Variants in PTPRD observed in about 807,000 individuals in gnomAD.
PTPRD encodes the protein receptor-type tyrosine-protein phosphatase delta.
Under a neutral mutation model 214.5 loss-of-function variants are expected in PTPRD, and 34 were observed. The observed-to-expected ratio is 0.16, with a 90% CI of 0.12 to 0.21. PTPRD has a LOEUF of 0.21. Among genes scored for constraint, PTPRD ranks in the 10% least tolerant of loss-of-function variants. The pLI is 1.00. For missense variants in PTPRD, 2,545 were observed against 2,398.7 expected, an observed-to-expected ratio of 1.06 and a Z score of -1.27; for synonymous variants, 1,128 against 845.7, an observed-to-expected ratio of 1.33 and a Z score of -5.79.
intron 10 of PTPRD, among the ~76,000 whole-genome samples, chr9:9,130,716 G>T (rs192651048): frequency 6.6e-6 from 1 of 152,152 alleles, no homozygotes; most frequent in Admixed American, 6.5e-5. Context: ...TGATTACCTG[G>T]GTGTTGCGTA....
chr9:9,327,619 G>C (rs1053689503), intron 9 of PTPRD, among the ~76,000 whole-genome samples: 1 of 152,106 alleles, frequency 6.6e-6, no homozygotes, highest in African/African-American at 2.4e-5. Flanking sequence ...TCTATTGCAA[G>C]AGGTTTATTC....
chr9:9,705,330 A>C (rs1465366576), intron 7 of PTPRD, among the ~76,000 whole-genome samples: 4 of 152,342 alleles, frequency 2.6e-5, no homozygotes, highest in African/African-American at 9.6e-5. Context: ...TATCTTAATT[A>C]GATGGAGAAT....
chr9:9,687,250 T>A (rs2097181943), intron 7 of PTPRD, among the ~76,000 whole-genome samples: 2 of 151,842 alleles, frequency 1.3e-5, no homozygotes, highest in Non-Finnish European at 2.9e-5. Context: ...CTACCCAATG[T>A]TAGAAAAATA....
intron 10 of PTPRD, among the ~76,000 whole-genome samples, chr9:9,067,313 A>G (rs10977469): frequency 0.58 from 87,792 of 152,132 alleles, 26,410 homozygotes; most frequent in East Asian, 0.86. Context: ...TGTTTATTAC[A>G]GAAGTTAATA....
intron 5 of PTPRD, among the ~76,000 whole-genome samples, chr9:9,901,851 G>A (rs756523495): frequency 6.6e-6 from 1 of 152,136 alleles, no homozygotes; most frequent in African/African-American, 2.4e-5. Context: ...GAGCCAGAGA[G>A]CAAGAGCAGG....
chr9:10,127,982 T>C (rs1167797785), intron 3 of PTPRD, among the ~76,000 whole-genome samples: 2 of 152,178 alleles, frequency 1.3e-5, no homozygotes, highest in Admixed American at 6.6e-5. Flanking sequence ...TTTTATATTA[T>C]GCTTCTGTTT....
chr9:9,762,424 A>C (rs1028067957), intron 6 of PTPRD, among the ~76,000 whole-genome samples: 1 of 152,126 alleles, frequency 6.6e-6, no homozygotes, highest in African/African-American at 2.4e-5. Context: ...AAATTTTCCA[A>C]ATCTTTAGGT....
chr9:8,634,555 C>G (rs908205357), intron 13 of PTPRD, among the ~76,000 whole-genome samples: 1 of 151,974 alleles, frequency 6.6e-6, no homozygotes, highest in Non-Finnish European at 1.5e-5. Context: ...TCAAAATTCA[C>G]AAAAATATTC....
chr9:8,589,448 A>G (rs1310545258), intron 14 of PTPRD, among the ~76,000 whole-genome samples: 3 of 152,222 alleles, frequency 2.0e-5, no homozygotes, highest in East Asian at 1.9e-4. Context: ...TTCTTTATAA[A>G]TGTATTCTCA....
At chr9:10,488,662 C>G (rs1430110261) in intron 2 of PTPRD, among the ~76,000 whole-genome samples, 1 of 152,128 alleles carries the variant, frequency 6.6e-6, no homozygotes, top group Non-Finnish European at 1.5e-5. Flanking sequence ...ATCTGGCACT[C>G]AAACCATGAG....
chr9:10,407,756 C>A (rs1451731098), intron 2 of PTPRD, among the ~76,000 whole-genome samples: 1 of 151,486 alleles, frequency 6.6e-6, no homozygotes. Flanking sequence ...AAAATGGTAA[C>A]CTGCTAGATT....
intron 8 of PTPRD, among the ~76,000 whole-genome samples, chr9:9,407,716 C>T (rs2073998521): frequency 6.6e-6 from 1 of 151,764 alleles, no homozygotes; most frequent in Admixed American, 6.6e-5. Context: ...AATTTGGAAT[C>T]AGAGTATCTC....
intron 2 of PTPRD, among the ~76,000 whole-genome samples, chr9:10,482,284 T>C (rs943475859): frequency 6.6e-6 from 1 of 151,894 alleles, no homozygotes. Flanking sequence ...GGCAGGAGAA[T>C]GGCATGAACC....
In PTPRD at chr9:9,415,615, C is replaced by T. The variant is rs565857637; in HGVS notation, c.-236-18133G>A. On this transcript the variant is annotated intron_variant, in intron 8 of 45. Transcript: ENST00000381196. ...AGCAACTGAATATAAATTCAACAGA[C>T]ACTGATTTAATACCTAACCTGTACA... Among the ~76,000 whole-genome samples, 4 of 152,258 alleles carry T rather than the reference C, an allele frequency of 2.6e-5. No homozygotes were observed. The South Asian group carries it at 8.3e-4, about 32-fold the overall frequency.
intron 3 of PTPRD, among the ~76,000 whole-genome samples, chr9:10,091,299 A>G (rs2098426743): frequency 6.6e-6 from 1 of 151,464 alleles, no homozygotes; most frequent in African/African-American, 2.4e-5. Flanking sequence ...CAATAGTAAA[A>G]GGAGAATTAT....
At chr9:8,414,928 GGGGAGA>G (rs765123444) in intron 35 of PTPRD, among the ~76,000 whole-genome samples, 12,304 of 70,458 alleles carry the variant, frequency 0.17, 1,593 homozygotes, top group East Asian at 0.57. Context: ...AGAGAGGGAG[GGGGAGA>G]GAGAGAGAGA....
At chr9:9,238,517 G>A (rs2099968471) in intron 9 of PTPRD, among the ~76,000 whole-genome samples, 1 of 152,052 alleles carries the variant, frequency 6.6e-6, no homozygotes, top group African/African-American at 2.4e-5. Context: ...GAGAGAAACT[G>A]GAAAATCATT....
At chr9:8,458,097 C>T (rs2096267680) in intron 33 of PTPRD, among the ~76,000 whole-genome samples, 2 of 152,118 alleles carry the variant, frequency 1.3e-5, no homozygotes, top group Admixed American at 6.6e-5. Context: ...ATATACTTAG[C>T]ATTCGAGGAT....
At chr9:8,606,322 G>T (rs559796576) in intron 14 of PTPRD, among the ~76,000 whole-genome samples, 9 of 152,264 alleles carry the variant, frequency 5.9e-5, no homozygotes, top group Admixed American at 5.9e-4. Flanking sequence ...AGTATGCCTT[G>T]AGGAAGATCA....
Sources: gnomAD v4.1 joint callset for allele counts (sites outside exome capture counted in the v4.1 genomes callset) on GRCh38, gnomAD v4.1.1 for gene constraint, MANE v1.5 for transcripts, NCBI Gene and HGNC (gene_info 2026-07-23, HGNC 2026-07-21) for gene names.